Variants in HECW2 observed in about 807,000 individuals in gnomAD.
HECW2 encodes the protein E3 ubiquitin-protein ligase HECW2.
In HECW2, 61 loss-of-function variants were observed where a neutral mutation model predicts 175.2. That is an observed-to-expected ratio of 0.35 (90% CI 0.28 to 0.43). HECW2 has a LOEUF of 0.43. HECW2 is among the 20% of genes least tolerant of loss of function. HECW2 has a pLI of 1.00. For synonymous variants in HECW2, 671 were observed against 731.0 expected (o/e 0.92, Z 1.32); for missense variants, 1,524 against 2,000.5 (o/e 0.76, Z 4.54).
chr2:196,271,705 G>A (rs935652018), intron 16 of HECW2, among the ~76,000 whole-genome samples: 2 of 152,126 alleles, frequency 1.3e-5, no homozygotes, highest in Non-Finnish European at 2.9e-5. Flanking sequence ...AGGAGATTAA[G>A]ACCAGCCTGG....
In HECW2 at chr2:196,299,423, C is replaced by T. The variant is rs377458818; in HGVS notation, c.2815-6673G>A. ...CCAGGAGAGTTATAGTTGTAACAAA[C>T]ACGGTAAGGACATTTAATGCAAAAT... On this transcript the variant is annotated intron_variant, in intron 13 of 28. Transcript: ENST00000644978. 6.0e-4 allele frequency among the ~76,000 whole-genome samples: 91 copies of T among 151,634 alleles called. 1 individual carries two copies. The East Asian group carries it at 0.014, about 23-fold the overall frequency.
At chr2:196,589,001 C>T (rs1442897944) in intron 1 of HECW2, among the ~76,000 whole-genome samples, 1 of 152,124 alleles carries the variant, frequency 6.6e-6, no homozygotes, top group Non-Finnish European at 1.5e-5. Context: ...GAGTTCAAGA[C>T]CAGCCTGGCC....
rs374658021 is a variant in HECW2 at position 196,506,401 on chromosome 2, C to T, written c.-35-72943G>A. 2.1e-4 allele frequency among the ~76,000 whole-genome samples: 32 copies of T among 152,210 alleles called. No homozygotes were observed. In the South Asian group the frequency reaches 6.2e-3, roughly 30 times the overall value. ...CAACTTCAAGTGAAATGATGTATAA[C>T]GAAACTAATTTTACCAGCAGGGGAT... is the stretch of plus-strand genomic sequence containing the variant. On this transcript the variant is annotated intron_variant, in intron 1 of 28. Coordinates refer to ENST00000644978, the MANE Select transcript of HECW2 (RefSeq NM_001348768.2).
chr2:196,435,953 A>G lies in HECW2; in HGVS notation c.-35-2495T>C, dbSNP rs544701624. 7.2e-4 allele frequency among the ~76,000 whole-genome samples: 109 copies of G among 152,318 alleles called. 4 individuals carry two copies. The South Asian group carries it at 0.02, about 28-fold the overall frequency. ...AATTATATCAAGAACTGGTTTTAAT[A>G]CTCCCATAATTCCCACCACCCCTTC... On this transcript the variant is annotated intron_variant, in intron 1 of 28. Transcript: ENST00000644978.
intron 2 of HECW2, among the ~76,000 whole-genome samples, chr2:196,425,891 A>G (rs987227147): frequency 6.6e-6 from 1 of 152,196 alleles, no homozygotes; most frequent in Non-Finnish European, 1.5e-5. Flanking sequence ...TGTGGGTAAA[A>G]TGCTATCAAA....
intron 6 of HECW2, among the ~76,000 whole-genome samples, chr2:196,324,510 C>T (rs1181752681): frequency 1.3e-5 from 2 of 152,012 alleles, no homozygotes; most frequent in African/African-American, 4.8e-5. Flanking sequence ...TGCCAAAGCC[C>T]GCAGAGAGAG....
At chr2:196,214,483 T>C (rs1687399222) in intron 28 of HECW2, among the ~76,000 whole-genome samples, 1 of 152,238 alleles carries the variant, frequency 6.6e-6, no homozygotes, top group Non-Finnish European at 1.5e-5. Flanking sequence ...TAAAAAGCCT[T>C]ATTCAGATAG....
At chr2:196,359,778 T>C in intron 2 of HECW2, among the ~76,000 whole-genome samples, 1 of 152,204 alleles carries the variant, frequency 6.6e-6, no homozygotes, top group Non-Finnish European at 1.5e-5. Flanking sequence ...TTGGAGCTCA[T>C]CTAATCTCAG....
intron 21 of HECW2, among the ~76,000 whole-genome samples, chr2:196,229,716 G>C (rs1293343987): frequency 2.6e-5 from 4 of 152,004 alleles, no homozygotes; most frequent in African/African-American, 9.7e-5. Flanking sequence ...AAATAAAAAT[G>C]GTTTACACAG....
chr2:196,308,010 C>T lies in HECW2; in HGVS notation c.2510G>A (p.Arg837Gln), dbSNP rs1220232756. ...DHVNRTTTWQ[R>Q]PTAPPAPQVL... The stretch of plus-strand genomic sequence containing the variant: ...CTGCGGGGCTGGGGGAGCTGTCGGT[C>T]GCTGCCACGTCGTGGTTCTGTTTAC... The change falls in exon 11 of 29, where the codon CGA becomes CAA. Residue 837 changes from arginine (R) to glutamine (Q), a missense_variant. Arg to Gln is a conservative substitution (Grantham distance 43). Transcript: ENST00000644978. 8.1e-6 allele frequency: 13 copies of T among 1,604,366 alleles called. No homozygotes were observed. The highest frequency in any genetic ancestry group is 3.3e-4 in the Middle Eastern group (2 of 6,030).
chr2:196,511,514 A>C (rs959936352), intron 1 of HECW2, among the ~76,000 whole-genome samples: 1 of 152,244 alleles, frequency 6.6e-6, no homozygotes, highest in East Asian at 1.9e-4. Context: ...CAGATACAAG[A>C]GCAGTGGTTG....
rs369799813 is a variant in HECW2, at chr2:196,380,007, C to T, written c.293-36243G>A. 4.6e-5 allele frequency among the ~76,000 whole-genome samples: 7 copies of T among 151,432 alleles called. No homozygotes were observed. In the East Asian group the frequency reaches 1.4e-3, roughly 29 times the overall value. ...GCTTAAATCAATTATTTTTGAGAAA[C>T]AGTGAAATTTTAATATTAGATAATT... is the stretch of plus-strand genomic sequence containing the variant. On this transcript the variant is annotated intron_variant, in intron 2 of 28. Transcript: ENST00000644978.
intron 21 of HECW2, among the ~76,000 whole-genome samples, chr2:196,235,805 C>T (rs968634760): frequency 1.3e-5 from 2 of 151,584 alleles, no homozygotes; most frequent in Non-Finnish European, 1.5e-5. Context: ...TACAGGCACC[C>T]GCCACCATGC....
At chr2:196,480,449 G>A (rs1200513707) in intron 1 of HECW2, among the ~76,000 whole-genome samples, 1 of 152,192 alleles carries the variant, frequency 6.6e-6, no homozygotes, top group Non-Finnish European at 1.5e-5. Context: ...CCTCCCTCAA[G>A]GCCCCAAGGG....
At chr2:196,440,693 T>C (rs1056264182) in intron 1 of HECW2, among the ~76,000 whole-genome samples, 7 of 152,164 alleles carry the variant, frequency 4.6e-5, no homozygotes, top group African/African-American at 1.7e-4. Flanking sequence ...GAAAGACACA[T>C]TTTCTTCAGA....
At chr2:196,333,795 G>C (rs2105801713) in intron 4 of HECW2, among the ~76,000 whole-genome samples, 1 of 152,266 alleles carries the variant, frequency 6.6e-6, no homozygotes, top group East Asian at 1.9e-4. Flanking sequence ...AACACAACAA[G>C]TTTCCTACAA....
At chr2:196,444,859 G>A (rs1325149181) in intron 1 of HECW2, among the ~76,000 whole-genome samples, 1 of 152,212 alleles carries the variant, frequency 6.6e-6, no homozygotes, top group Non-Finnish European at 1.5e-5. Flanking sequence ...GAGGAGAGCA[G>A]AGGGTGGATT....
chr2:196,467,904 T>C (rs996458590), intron 1 of HECW2, among the ~76,000 whole-genome samples: 5 of 152,266 alleles, frequency 3.3e-5, no homozygotes, highest in South Asian at 4.1e-4. Context: ...CGTGTCCTTA[T>C]AGAATATAGC....
intron 28 of HECW2, among the ~76,000 whole-genome samples, chr2:196,204,325 T>C (rs1686987170): frequency 6.7e-6 from 1 of 150,090 alleles, no homozygotes; most frequent in Non-Finnish European, 1.5e-5. Flanking sequence ...CACCAACACT[T>C]ATTTCTTGTT....
Sources: gnomAD v4.1 joint callset for allele counts (sites outside exome capture counted in the v4.1 genomes callset) on GRCh38, gnomAD v4.1.1 for gene constraint, MANE v1.5 for transcripts, NCBI Gene and HGNC (gene_info 2026-07-23, HGNC 2026-07-21) for gene names.